The following HECW1 variants were observed in gnomAD, a reference collection of about 807,000 sequenced individuals.
The protein encoded by HECW1 is HECT, C2 and WW domain containing E3 ubiquitin protein ligase 1.
A neutral mutation model predicts 182.3 loss-of-function variants in HECW1; 61 were observed. That is an observed-to-expected ratio of 0.33 (90% confidence interval 0.27 to 0.41). The LOEUF is 0.41. Among genes scored for constraint, HECW1 ranks in the 10% least tolerant of loss-of-function variants. The pLI, the probability that HECW1 is intolerant of heterozygous loss-of-function variation, is 1.00. For missense variants in HECW1, 1,739 were observed against 2,108.9 expected (o/e 0.82, Z 3.44); for synonymous variants, 859 against 832.6 (o/e 1.03, Z -0.55).
chr7:43,512,000 CA>C (rs2079896344), intron 24 of HECW1: 1 of 210,100 alleles, frequency 4.8e-6, no homozygotes, highest in East Asian at 7.1e-5. Context: ...TCTGATCGCT[CA>C]CGACTGGTAC....
At chr7:43,533,596 G>A (rs978918189) in intron 24 of HECW1, among the ~76,000 whole-genome samples, 4 of 151,702 alleles carry the variant, frequency 2.6e-5, no homozygotes, top group Admixed American at 6.6e-5. Flanking sequence ...TTCGACAGAC[G>A]TTTGTGCTCC....
At chr7:43,420,491 A>G (rs2076144367) in intron 8 of HECW1, among the ~76,000 whole-genome samples, 1 of 152,244 alleles carries the variant, frequency 6.6e-6, no homozygotes. Context: ...GTAAAAAAAT[A>G]AACAAATAAA....
chr7:43,512,999 A>T lies in HECW1; in HGVS notation c.4019+3878A>T, dbSNP rs73329838. The stretch of plus-strand genomic sequence containing the variant: ...ACATTTTCTGAGTTCCCTCTAAAAA[A>T]TAAGCTCTATTGGAGCAGAGACACT... On this transcript the variant is annotated intron_variant, in intron 24 of 29. Coordinates refer to ENST00000395891, the MANE Select transcript of HECW1 (RefSeq NM_015052.5). 5.6e-4 allele frequency among the ~76,000 whole-genome samples: 85 copies of T among 152,306 alleles called. 1 individual carries two copies. The highest frequency in any genetic ancestry group is 2.0e-3 in the African/African-American group (82 of 41,572).
chr7:43,396,843 C>T lies in HECW1; in HGVS notation c.585C>T (p.Thr195=), dbSNP rs374959981. 17 of 1,612,632 alleles carry T rather than the reference C, an allele frequency of 1.1e-5. No homozygotes were observed. In the African/African-American group the frequency reaches 1.5e-4, roughly 14 times the overall value. Reference sequence around the variant, plus strand: ...TTAAAAGCATTGGTGCTGATGAGACCGTCCAAGGACAAGGAAGTCGGAGGC... The same window carrying T: ...TTAAAAGCATTGGTGCTGATGAGACTGTCCAAGGACAAGGAAGTCGGAGGC... ...PIFKSIGADE[T]VQGQGSRRLI... is the part of the protein sequence containing the mutation. Residue 195 remains threonine, a synonymous_variant, in exon 7 of 30, where the codon ACC becomes ACT. Transcript: ENST00000395891.
At chr7:43,426,215 A>G (rs147528575) in intron 8 of HECW1, among the ~76,000 whole-genome samples, 12 of 152,360 alleles carry the variant, frequency 7.9e-5, no homozygotes, top group African/African-American at 2.4e-4. Context: ...CTGTTTATAT[A>G]TAGATACACT....
At chr7:43,464,865 G>A (rs1194430070) in intron 14 of HECW1, among the ~76,000 whole-genome samples, 1 of 151,962 alleles carries the variant, frequency 6.6e-6, no homozygotes, top group African/African-American at 2.4e-5. Flanking sequence ...TGCATGGTGC[G>A]ATCATAGCTC....
intron 24 of HECW1, among the ~76,000 whole-genome samples, chr7:43,515,358 C>T (rs1048225340): frequency 5.9e-5 from 9 of 152,092 alleles, no homozygotes; most frequent in African/African-American, 1.9e-4. Flanking sequence ...AGAAAGTCAA[C>T]TCTGGTTACA....
chr7:43,415,529 G>A (rs1464511439), intron 8 of HECW1, among the ~76,000 whole-genome samples: 1 of 152,162 alleles, frequency 6.6e-6, no homozygotes, highest in African/African-American at 2.4e-5. Context: ...TTCTCGAAGA[G>A]TATCTTTGTG....
chr7:43,530,526 TG>T (rs2080942112), intron 24 of HECW1, among the ~76,000 whole-genome samples: 1 of 150,920 alleles, frequency 6.6e-6, no homozygotes, highest in South Asian at 2.1e-4. Context: ...GATGGATGGA[TG>T]GATGGATGGA....
At chr7:43,149,757 A>G (rs1789097632) in intron 2 of HECW1, among the ~76,000 whole-genome samples, 1 of 152,200 alleles carries the variant, frequency 6.6e-6, no homozygotes, top group Admixed American at 6.5e-5. Context: ...ATATTCTTCA[A>G]AATTTTTTTC....
At chr7:43,200,161 A>C (rs1794898288) in intron 2 of HECW1, among the ~76,000 whole-genome samples, 2 of 152,206 alleles carry the variant, frequency 1.3e-5, no homozygotes, top group South Asian at 4.1e-4. Flanking sequence ...GATTGGCCCA[A>C]ATTAGAGTCA....
intron 2 of HECW1, among the ~76,000 whole-genome samples, chr7:43,147,116 G>A (rs574363213): frequency 6.6e-6 from 1 of 152,276 alleles, no homozygotes; most frequent in Admixed American, 6.5e-5. Context: ...TGTTATCCAA[G>A]GAAACCTTTA....
At chr7:43,525,762 C>T (rs1290841527) in intron 24 of HECW1, among the ~76,000 whole-genome samples, 1 of 152,096 alleles carries the variant, frequency 6.6e-6, no homozygotes, top group African/African-American at 2.4e-5. Context: ...TCACTATAGA[C>T]CTCTAGGGAA....
rs1002123883 is a variant in HECW1 at position 43,492,055 on chromosome 7, T to C, written c.3235-20T>C. ...AATTGATACAAATTTCTAATGCTTA[T>C]GCTTTTATTCTAAAATTAGGCCTCA... On this transcript the variant is annotated intron_variant, in intron 17 of 29. Transcript: ENST00000395891. 1 of 1,554,880 alleles carries C rather than the reference T, an allele frequency of 6.4e-7. No individual in the cohort carries two copies. The highest frequency in any genetic ancestry group is 8.8e-7 in the Non-Finnish European group (1 of 1,130,264).
intron 5 of HECW1, among the ~76,000 whole-genome samples, chr7:43,353,804 G>A (rs1814760855): frequency 6.6e-6 from 1 of 152,146 alleles, no homozygotes; most frequent in Non-Finnish European, 1.5e-5. Flanking sequence ...GGGAGTGCCT[G>A]AAGAGAGAAC....
intron 5 of HECW1, among the ~76,000 whole-genome samples, chr7:43,349,358 A>C (rs1814103244): frequency 6.6e-6 from 1 of 152,212 alleles, no homozygotes; most frequent in African/African-American, 2.4e-5. Flanking sequence ...TTCTATGTCT[A>C]TCTGTTAAGT....
chr7:43,212,731 A>T (rs181196834), intron 2 of HECW1, among the ~76,000 whole-genome samples: 8 of 152,248 alleles, frequency 5.3e-5, no homozygotes, highest in Admixed American at 5.2e-4. Flanking sequence ...GGAATGTCTA[A>T]GTACTCTAAC....
Position 43,182,116 on chromosome 7 carries a change from T to A in HECW1, c.-31-61759T>A, listed in dbSNP as rs147481906. ...TTCTTTAAGTTCTCTCTTAACTCTGTTGATTATTTCATTTGCTGTGTGGAA... is the reference window on the plus strand; with the variant it reads ...TTCTTTAAGTTCTCTCTTAACTCTGATGATTATTTCATTTGCTGTGTGGAA... On this transcript the variant is annotated intron_variant, in intron 2 of 29. Transcript: ENST00000395891. Among the ~76,000 whole-genome samples, 212 of 152,320 alleles carry A rather than the reference T, an allele frequency of 1.4e-3. 1 individual carries two copies. Among genetic ancestry groups the A allele is most frequent in the African/African-American group, 4.1e-3 (172 of 41,550 alleles).
Position 43,321,734 on chromosome 7 carries a change from T to C in HECW1, c.460+992T>C, listed in dbSNP as rs1810137963. On this transcript the variant is annotated intron_variant, in intron 5 of 29. Coordinates refer to ENST00000395891, the MANE Select transcript of HECW1 (RefSeq NM_015052.5). ...TTATCCATTGGCATTTGACTTGTGG[T>C]CCAGGAAAAACTATATCCTCAAGTA... Among the ~76,000 whole-genome samples, 3 of 152,354 alleles carry C rather than the reference T, an allele frequency of 2.0e-5. No individual in the cohort carries two copies. In the South Asian group the frequency reaches 6.2e-4, roughly 32 times the overall value.
Sources: allele counts gnomAD v4.1 joint callset (sites outside exome capture counted in the v4.1 genomes callset), GRCh38; gene constraint gnomAD v4.1.1; transcripts MANE v1.5; gene names NCBI Gene and HGNC (gene_info 2026-07-23, HGNC 2026-07-21).